The following FLNC variants were observed in gnomAD, a reference collection of about 807,000 sequenced individuals.
FLNC encodes the protein filamin C.
In FLNC, 91 loss-of-function variants were observed where a neutral mutation model predicts 254.3. The observed-to-expected ratio is 0.36, with a 90% CI of 0.30 to 0.43. The LOEUF is 0.43. Among genes scored for constraint, FLNC ranks in the 20% least tolerant of loss-of-function variants. The probability of loss-of-function intolerance (pLI) is 1.00; values close to 1 mark genes in which losing one functional copy is unlikely to be tolerated. For synonymous variants in FLNC, 1,430 were observed against 1,577.2 expected, an observed-to-expected ratio of 0.91 and a Z score of 2.21; for missense variants, 2,853 against 3,802.6, an observed-to-expected ratio of 0.75 and a Z score of 6.57.
intron 8 of FLNC, 95 bp downstream of exon 8, chr7:128,838,898 C>A: frequency 1.7e-6 from 2 of 1,172,818 alleles, no homozygotes; most frequent in South Asian, 1.3e-5. Flanking sequence ...TCTGCAGAGA[C>A]CCCCTCCCTG....
intron 1 of FLNC, among the ~76,000 whole-genome samples, chr7:128,833,308 C>A (rs1238440898): frequency 6.6e-6 from 1 of 152,232 alleles, no homozygotes; most frequent in African/African-American, 2.4e-5. Context: ...GCCCTCTCCT[C>A]CCCCTCCATT....
chr7:128,849,038 TC>T, intron 28 of FLNC, 56 bp downstream of exon 28: 1 of 1,598,072 alleles, frequency 6.3e-7, no homozygotes, highest in East Asian at 2.2e-5. Context: ...TCAAAGCCCC[TC>T]CAGAACCCTG....
chr7:128,859,182 G>A lies in FLNC; in HGVS notation c.*659G>A, dbSNP rs1298758418. 2 of 153,508 alleles carry A rather than the reference G, an allele frequency of 1.3e-5. No individual in the cohort carries two copies. Among genetic ancestry groups the A allele is most frequent in the Non-Finnish European group, 2.9e-5 (2 of 68,726 alleles). The allele number at this position is 153,508 out of a possible 1,614,324, so 9.5% of individuals were successfully genotyped here. A position where few individuals can be genotyped will look rare whatever the true frequency, so the allele number is the denominator to read the frequency against. On this transcript the variant is annotated 3_prime_UTR_variant, in exon 48 of 48. Transcript: ENST00000325888. ...GGGGGCCTTTTTTACACACTGCGAG[G>A]CCCAGCTTTCTAGGGGACTTTTGCA...
Position 128,843,580 on chromosome 7 carries a change from G to A in FLNC, c.2811+3G>A, listed in dbSNP as rs112904537. ...TCAAGTACACCGCTGTCCAGCAGGT[G>A]CGCTCTGCCCCTCCCATGCTACCGC... On this transcript the variant is annotated splice_donor_region_variant and intron_variant, in intron 18 of 47. Coordinates refer to ENST00000325888, the MANE Select transcript of FLNC (RefSeq NM_001458.5). 12 of 1,613,568 alleles carry A rather than the reference G, an allele frequency of 7.4e-6. No homozygotes were observed. The highest frequency in any genetic ancestry group is 1.3e-5 in the African/African-American group (1 of 74,886).
At position 128,835,646 on chromosome 7, in the gene FLNC, A is replaced by G; in HGVS notation, c.601+72A>G. 1 of 1,550,846 alleles carries G rather than the reference A, an allele frequency of 6.4e-7. No individual in the cohort carries two copies. The highest frequency in any genetic ancestry group is 8.8e-7 in the Non-Finnish European group (1 of 1,133,806). On this transcript the variant is annotated intron_variant, in intron 2 of 47. Transcript: ENST00000325888. This position sits in a 1 kb window ranked among gnomAD's most constrained non-coding sequence, Gnocchi z 5.3. ...CAGAGGGGACAAGCTGGGGCTGCCA[A>G]GGCGTGTGGTTGTCAGAATGCACAC...
intron 9 of FLNC, 65 bp from the exon 10 acceptor site, chr7:128,840,483 T>C (rs1367150409): frequency 1.6e-5 from 26 of 1,610,082 alleles, no homozygotes; most frequent in Non-Finnish European, 2.1e-5. Flanking sequence ...CTTGAGGGGA[T>C]TGAGGAGCTG....
In FLNC at chr7:128,845,236, G is replaced by A. The variant is rs752215031; in HGVS notation, c.3771G>A (p.Gly1257=). The change falls in exon 21 of 48, where the codon GGG becomes GGA. Residue 1257 remains glycine, a synonymous_variant. Coordinates refer to ENST00000325888, the MANE Select transcript of FLNC (RefSeq NM_001458.5). ...AVDTSGVKVS[G]PGVEPHGVLR... ...ATACCAGTGGCGTCAAGGTCTCAGG[G>A]CCTGGTGTTGAGCCACACGGTGAGT... The A allele has an allele frequency of 1.2e-6, 2 of 1,613,602 alleles. No individual in the cohort carries two copies. The highest frequency in any genetic ancestry group is 1.7e-6 in the Non-Finnish European group (2 of 1,179,972).
Position 128,846,009 on chromosome 7 carries a change from C to T in FLNC, c.3810C>T (p.Thr1270=), listed in dbSNP as rs1168432266. Residue 1270 remains threonine, a synonymous_variant, in exon 22 of 48, where the codon ACC becomes ACT. Coordinates refer to ENST00000325888, the MANE Select transcript of FLNC (RefSeq NM_001458.5). ...VEPHGVLREV[T]TEFTVDARSL... ...CTCCAGGTGTCCTGCGGGAGGTGAC[C>T]ACTGAGTTCACTGTGGATGCAAGAT... The T allele has an allele frequency of 6.2e-7, 1 of 1,613,820 alleles. No homozygotes were observed. Among genetic ancestry groups the T allele is most frequent in the Admixed American group, 1.7e-5 (1 of 60,014 alleles).
chr7:128,837,357 G>A (rs949853392), intron 3 of FLNC, 41 bp from the exon 4 acceptor site: 1 of 1,613,630 alleles, frequency 6.2e-7, no homozygotes, highest in Non-Finnish European at 8.5e-7. Context: ...GGGCTGCTGG[G>A]AAAAGAGGGC....
At chr7:128,846,233 GC>G in intron 22 of FLNC, 67 bp from the exon 23 acceptor site, 1 of 1,530,880 alleles carries the variant, frequency 6.5e-7, no homozygotes, top group Non-Finnish European at 8.8e-7. Flanking sequence ...TGATGATATT[GC>G]CCTCGGGGCA....
chr7:128,833,718 G>C (rs1333135676), intron 1 of FLNC, among the ~76,000 whole-genome samples: 7 of 152,344 alleles, frequency 4.6e-5, no homozygotes, highest in African/African-American at 1.4e-4. Flanking sequence ...AGGCTGTCGG[G>C]GTTGTGAGAG....
At position 128,857,552 on chromosome 7, in the gene FLNC, C is replaced by T. The variant is rs1809120115; in HGVS notation, c.7780+216C>T. 6.6e-6 allele frequency among the ~76,000 whole-genome samples: 1 copy of T among 151,230 alleles called. No homozygotes were observed. The highest frequency in any genetic ancestry group is 6.6e-5 in the Admixed American group (1 of 15,260). On this transcript the variant is annotated intron_variant, in intron 46 of 47. Coordinates refer to ENST00000325888, the MANE Select transcript of FLNC (RefSeq NM_001458.5). This position sits in a 1 kb window ranked among gnomAD's most constrained non-coding sequence, Gnocchi z 4.5. ...TCTTCCTCTCCATCGTGGCCCCTCACTCCTTCAGCTCTGGCCTGCGCTGGC... is the reference window on the plus strand; with the variant it reads ...TCTTCCTCTCCATCGTGGCCCCTCATTCCTTCAGCTCTGGCCTGCGCTGGC...
Position 128,852,850 on chromosome 7 carries a change from G to C in FLNC, c.6027G>C (p.Glu2009Asp). The change falls in exon 37 of 48, where the codon GAG (glutamate) becomes GAC (aspartate). Residue 2009 changes from glutamate (E) to aspartate (D), a missense_variant. Coordinates refer to ENST00000325888, the MANE Select transcript of FLNC (RefSeq NM_001458.5). ...RHIGISFTPK[E>D]VGEHVVSVRK... ...CAGGGATCTCCTTCACCCCCAAGGA[G>C]GTCGGGGAGCACGTGGTGAGCGTGC... The C allele has an allele frequency of 1.9e-6, 3 of 1,613,908 alleles. No homozygotes were observed. The highest frequency in any genetic ancestry group is 2.5e-6 in the Non-Finnish European group (3 of 1,180,050).
Position 128,853,823 on chromosome 7 carries a change from A to G in FLNC, c.6470A>G (p.Asn2157Ser). 6.2e-7 allele frequency: 1 copy of G among 1,613,344 alleles called. No individual in the cohort carries two copies. Among genetic ancestry groups the G allele is most frequent in the Non-Finnish European group, 8.5e-7 (1 of 1,179,954 alleles). Reference protein sequence around the residue: ...IATIGSTCDLNLKIPGNWFQM... With the variant: ...IATIGSTCDLSLKIPGNWFQM... ...ACCATCGGCAGCACCTGTGACCTCAACCTCAAGATCCCAGGTAGAAGCCTG... is the reference window on the plus strand; with the variant it reads ...ACCATCGGCAGCACCTGTGACCTCAGCCTCAAGATCCCAGGTAGAAGCCTG... The change falls in exon 39 of 48, where the codon AAC becomes AGC. Residue 2157 changes from asparagine (N) to serine (S), a missense_variant. Coordinates refer to ENST00000325888, the MANE Select transcript of FLNC (RefSeq NM_001458.5).
chr7:128,845,514 T>C (rs1020091061), intron 21 of FLNC, among the ~76,000 whole-genome samples: 2 of 152,122 alleles, frequency 1.3e-5, no homozygotes, highest in African/African-American at 4.8e-5. Context: ...AGATCTCTTC[T>C]TTCATGTGCT....
Position 128,851,626 on chromosome 7 carries a change from C to T in FLNC, c.5840C>T (p.Thr1947Ile), listed in dbSNP as rs751602344. ...IPGSPFTAKI[T>I]GDDSMRTSQL... is the part of the protein sequence containing the mutation. ...GGGAGCCCCTTCACAGCCAAGATCA[C>T]AGGTGAGGCGGGTGTATGGGCATGT... Residue 1947 changes from threonine to isoleucine, a missense_variant and splice_region_variant, in exon 35 of 48, where the codon ACA becomes ATA. Physicochemically the swap from Thr to Ile is moderately conservative, Grantham distance 89. This residue lies in a region of FLNC where 551 missense variants were observed against 835.0 expected (regional missense o/e 0.66). Transcript: ENST00000325888. 6.2e-7 allele frequency: 1 copy of T among 1,613,834 alleles called. No homozygotes were observed. Among genetic ancestry groups the T allele is most frequent in the South Asian group, 1.1e-5 (1 of 91,084 alleles).
In FLNC at chr7:128,836,884, C is replaced by G. The variant is rs1331712641; in HGVS notation, c.602-276C>G. On this transcript the variant is annotated intron_variant, in intron 2 of 47. Coordinates refer to ENST00000325888, the MANE Select transcript of FLNC (RefSeq NM_001458.5). The surrounding 1 kb of genome is among the most constrained non-coding windows in gnomAD (Gnocchi z 6.0). Reference sequence around the variant, plus strand: ...TTGGGGTTCAAGGTCTGAGCTGGGGCCTGGGCAGGCAGGAGGCCGGCCAGC... The same window carrying G: ...TTGGGGTTCAAGGTCTGAGCTGGGGGCTGGGCAGGCAGGAGGCCGGCCAGC... Among the ~76,000 whole-genome samples the G allele has an allele frequency of 6.6e-6, 1 of 152,144 alleles. No homozygotes were observed. Among genetic ancestry groups the G allele is most frequent in the African/African-American group, 2.4e-5 (1 of 41,426 alleles).
At chr7:128,844,296 G>A in intron 20 of FLNC, 30 bp downstream of exon 20, 1 of 1,584,488 alleles carries the variant, frequency 6.3e-7, no homozygotes, top group African/African-American at 1.3e-5. Flanking sequence ...TTGGGGCTGG[G>A]AGTTGGGGAC....
intron 35 of FLNC, among the ~76,000 whole-genome samples, chr7:128,851,871 T>G (rs879274416): frequency 9.9e-5 from 15 of 152,232 alleles, no homozygotes; most frequent in Admixed American, 2.0e-4. Flanking sequence ...TCATTTGTTT[T>G]GTTTTTGTTT....
Sources: allele counts gnomAD v4.1 joint callset (sites outside exome capture counted in the v4.1 genomes callset), GRCh38; gene constraint gnomAD v4.1.1; regional missense constraint gnomAD v4.1.1; non-coding constraint Gnocchi (gnomAD v3.1); transcripts MANE v1.5; gene names NCBI Gene and HGNC (gene_info 2026-07-23, HGNC 2026-07-21).